Variants in USP46 observed in about 807,000 individuals in gnomAD.
USP46 encodes the protein ubiquitin carboxyl-terminal hydrolase 46.
Under a neutral mutation model 44.4 loss-of-function variants are expected in USP46, and 12 were observed. The ratio of observed to expected loss-of-function variants is 0.27; its 90% CI spans 0.17 to 0.44. USP46 has a LOEUF of 0.44. Among genes scored for constraint, USP46 ranks in the 20% least tolerant of loss-of-function variants. The pLI, the probability that USP46 is intolerant of heterozygous loss-of-function variation, is 1.00. For missense variants in USP46, 248 were observed against 444.8 expected (o/e 0.56, Z 3.98); for synonymous variants, 155 against 161.5 (o/e 0.96, Z 0.31).
intron 1 of USP46, among the ~76,000 whole-genome samples, chr4:52,657,709 C>T (rs1046857063): frequency 6.6e-6 from 1 of 152,192 alleles, no homozygotes; most frequent in East Asian, 1.9e-4. Context: ...AAAGAGAAAA[C>T]AGAAAGGCTC....
intron 3 of USP46, among the ~76,000 whole-genome samples, chr4:52,626,590 C>T (rs879279107): frequency 2.4e-4 from 37 of 151,990 alleles, no homozygotes; most frequent in South Asian, 1.0e-3. Context: ...CCCAAAGTGC[C>T]GGGATTACAG....
intron 1 of USP46, among the ~76,000 whole-genome samples, chr4:52,647,775 GTCT>G (rs1271001938): frequency 6.6e-6 from 1 of 152,066 alleles, no homozygotes; most frequent in Non-Finnish European, 1.5e-5. Context: ...ACACATGCTC[GTCT>G]TCTTGCCACT....
At chr4:52,647,261 C>T (rs1445457759) in intron 1 of USP46, among the ~76,000 whole-genome samples, 1 of 152,104 alleles carries the variant, frequency 6.6e-6, no homozygotes, top group Non-Finnish European at 1.5e-5. Context: ...TTTTTAAAAA[C>T]TAAGAGAGAA....
At position 52,644,521 on chromosome 4, in the gene USP46, G is replaced by C. The variant is rs541473976; in HGVS notation, c.37-13377C>G. Among the ~76,000 whole-genome samples the C allele has an allele frequency of 3.3e-5, 5 of 152,248 alleles. No individual in the cohort carries two copies. The South Asian group carries it at 1.0e-3, about 32-fold the overall frequency. The stretch of plus-strand genomic sequence containing the variant: ...TCCGGTCAGATCAGCAATAGCATTA[G>C]ATTCTCATAGGAGAGTGAACTCTAT... On this transcript the variant is annotated intron_variant, in intron 1 of 8. Transcript: ENST00000441222.
At chr4:52,632,932 GAAAGAA>G (rs1334354193) in intron 1 of USP46, among the ~76,000 whole-genome samples, 2 of 55,918 alleles carry the variant, frequency 3.6e-5, no homozygotes, top group African/African-American at 1.8e-4. Context: ...AAGAAAGAAA[GAAAGAA>G]AGAAAGAAAG....
rs960998254 is a variant in USP46 at position 52,592,876 on chromosome 4, C to G, written c.*4764G>C. ...AAAGAAAAGTGTGTAACCCCTCCCCCTTTGCTCTCTTCCTCTTGCTCCTGC... is the reference window on the plus strand; with the variant it reads ...AAAGAAAAGTGTGTAACCCCTCCCCGTTTGCTCTCTTCCTCTTGCTCCTGC... On this transcript the variant is annotated 3_prime_UTR_variant, in exon 9 of 9. Transcript: ENST00000441222. The G allele has an allele frequency of 2.5e-6, 1 of 398,352 alleles. No homozygotes were observed. The highest frequency in any genetic ancestry group is 4.4e-6 in the Non-Finnish European group (1 of 226,144). 24.7% of individuals were successfully genotyped at this position (398,352 alleles called of 1,614,324 possible).
At position 52,599,115 on chromosome 4, in the gene USP46, G is replaced by A. The variant is rs529420115; in HGVS notation, c.921-409C>T. On this transcript the variant is annotated intron_variant, in intron 7 of 8. Transcript: ENST00000441222. ...CTAAACTTATAAATGTATGTCAAGT[G>A]GTGAGAAGTGTCATGGAGAAGGATG... Among the ~76,000 whole-genome samples the A allele has an allele frequency of 2.2e-4, 34 of 152,266 alleles. 1 individual carries two copies. In the East Asian group the frequency reaches 6.4e-3, roughly 29 times the overall value.
At chr4:52,656,859 G>A (rs1407552335) in intron 1 of USP46, among the ~76,000 whole-genome samples, 2 of 151,772 alleles carry the variant, frequency 1.3e-5, no homozygotes, top group African/African-American at 4.8e-5. Flanking sequence ...GGGCAACATA[G>A]GGAGACCCAG....
At chr4:52,598,005 C>T (rs1716311707) in intron 8 of USP46, among the ~76,000 whole-genome samples, 1 of 152,186 alleles carries the variant, frequency 6.6e-6, no homozygotes, top group South Asian at 2.1e-4. Context: ...CAAGCCAAGA[C>T]ATCTCCCAGA....
At chr4:52,622,624 T>C (rs1041558796) in intron 4 of USP46, among the ~76,000 whole-genome samples, 12 of 152,326 alleles carry the variant, frequency 7.9e-5, no homozygotes, top group African/African-American at 2.9e-4. Flanking sequence ...GAAAGATAGA[T>C]GCTGCATACG....
At chr4:52,627,423 G>T (rs1226543909) in intron 3 of USP46, among the ~76,000 whole-genome samples, 1 of 152,060 alleles carries the variant, frequency 6.6e-6, no homozygotes, top group African/African-American at 2.4e-5. Flanking sequence ...AGAAGAAGAA[G>T]ATAGAAAAAC....
At chr4:52,630,679 G>GT (rs1263721845) in intron 2 of USP46, among the ~76,000 whole-genome samples, 2 of 145,688 alleles carry the variant, frequency 1.4e-5, no homozygotes, top group Non-Finnish European at 3.0e-5. Flanking sequence ...GGAGGTTGCA[G>GT]TGAGTCAAGA....
chr4:52,645,939 T>C (rs1434322178), intron 1 of USP46, among the ~76,000 whole-genome samples: 4 of 150,066 alleles, frequency 2.7e-5, no homozygotes, highest in Non-Finnish European at 5.9e-5. Flanking sequence ...TGCTCCACCA[T>C]GGTAAGATGT....
At chr4:52,637,474 G>C (rs953773203) in intron 1 of USP46, among the ~76,000 whole-genome samples, 4 of 152,042 alleles carry the variant, frequency 2.6e-5, no homozygotes, top group African/African-American at 9.7e-5. Flanking sequence ...TCATTTATCT[G>C]GTGTTTCCCT....
intron 1 of USP46, among the ~76,000 whole-genome samples, chr4:52,633,969 T>G (rs1241497394): frequency 6.6e-6 from 1 of 152,190 alleles, no homozygotes. Flanking sequence ...GGCTCTACTC[T>G]GAGGCCAACA....
At position 52,594,904 on chromosome 4, in the gene USP46, C is replaced by A. The variant is rs183255917; in HGVS notation, c.*2736G>T. 1.3e-5 allele frequency: 2 copies of A among 152,312 alleles called. No individual in the cohort carries two copies. Among genetic ancestry groups the A allele is most frequent in the East Asian group, 3.9e-4 (2 of 5,180 alleles). 9.4% of individuals were successfully genotyped at this position (152,312 alleles called of 1,614,324 possible). On this transcript the variant is annotated 3_prime_UTR_variant, in exon 9 of 9. Transcript: ENST00000441222. ...TCCTATGACCACAGAAGTGAAAATG[C>A]ATCAACACAATAGGACCAGATGCCA...
intron 4 of USP46, among the ~76,000 whole-genome samples, chr4:52,616,433 T>G (rs968024502): frequency 6.6e-6 from 1 of 152,100 alleles, no homozygotes; most frequent in Admixed American, 6.6e-5. Flanking sequence ...AGTGCAGTGG[T>G]GCAATCTCAG....
intron 1 of USP46, among the ~76,000 whole-genome samples, chr4:52,637,800 C>T (rs1468258098): frequency 1.3e-5 from 2 of 152,232 alleles, no homozygotes; most frequent in African/African-American, 4.8e-5. Context: ...CAGTGACCTT[C>T]ACTGCTGTTT....
intron 5 of USP46, among the ~76,000 whole-genome samples, chr4:52,609,201 T>A (rs1478292153): frequency 6.6e-6 from 1 of 152,182 alleles, no homozygotes; most frequent in Non-Finnish European, 1.5e-5. Context: ...ACTATTTATA[T>A]CATTTCTCTG....
Sources: gnomAD v4.1 joint callset for allele counts (sites outside exome capture counted in the v4.1 genomes callset) on GRCh38, gnomAD v4.1.1 for gene constraint, MANE v1.5 for transcripts, NCBI Gene and HGNC (gene_info 2026-07-23, HGNC 2026-07-21) for gene names.